The following MRPS27 variants were observed in gnomAD, a reference collection of about 807,000 sequenced individuals.
MRPS27 encodes the protein small ribosomal subunit protein mS27.
MRPS27 carries 43 observed loss-of-function variants against 48.9 expected under a neutral mutation model. The ratio of observed to expected loss-of-function variants is 0.88; its 90% CI spans 0.69 to 1.13. MRPS27 has a LOEUF of 1.13. MRPS27 is among the 50% of genes most tolerant of loss of function. The pLI, the probability that MRPS27 is intolerant of heterozygous loss-of-function variation, is 0.00. For synonymous variants in MRPS27, 188 were observed against 171.9 expected (o/e 1.09, Z -0.73); for missense variants, 467 against 476.3 (o/e 0.98, Z 0.18).
intron 1 of MRPS27, among the ~76,000 whole-genome samples, chr5:72,319,537 C>CTTT (rs35020848): frequency 1.9e-4 from 16 of 84,202 alleles, no homozygotes; most frequent in South Asian, 4.1e-4. Context: ...TAGGTTTTTC[C>CTTT]TTTTTTTTTT....
intron 4 of MRPS27, among the ~76,000 whole-genome samples, chr5:72,277,602 C>CA (rs909079299): frequency 1.7e-4 from 24 of 143,634 alleles, no homozygotes; most frequent in African/African-American, 5.4e-4. Flanking sequence ...GACTCCGTCT[C>CA]AAAAAAAAAG....
intron 4 of MRPS27, among the ~76,000 whole-genome samples, chr5:72,266,112 C>T (rs1388398006): frequency 6.6e-6 from 1 of 151,038 alleles, no homozygotes; most frequent in African/African-American, 2.4e-5. Flanking sequence ...GTGGAGTAGA[C>T]AAAAAAATGA....
intron 10 of MRPS27, among the ~76,000 whole-genome samples, chr5:72,222,969 A>T (rs918277497): frequency 6.6e-6 from 1 of 152,342 alleles, no homozygotes; most frequent in South Asian, 2.1e-4. Flanking sequence ...AACAAGTGGG[A>T]AAGTTTTTTG....
intron 4 of MRPS27, among the ~76,000 whole-genome samples, chr5:72,248,964 C>T (rs1175594234): frequency 1.3e-5 from 2 of 152,190 alleles, no homozygotes; most frequent in Admixed American, 1.3e-4. Flanking sequence ...ATATACTGAA[C>T]AATTACACTG....
chr5:72,272,119 G>A lies in MRPS27; in HGVS notation c.281+23412C>T, dbSNP rs185347211. Among the ~76,000 whole-genome samples, 3 of 152,332 alleles carry A rather than the reference G, an allele frequency of 2.0e-5. 1 individual carries two copies. In the East Asian group the frequency reaches 5.8e-4, roughly 29 times the overall value. On this transcript the variant is annotated intron_variant, in intron 4 of 10. Transcript: ENST00000261413. ...TGCCACATTTTAAAGATCAAGAAGT[G>A]AGGGTATAGATCAAGGGTTGGCAAA...
chr5:72,293,468 T>C (rs550582647), intron 4 of MRPS27, among the ~76,000 whole-genome samples: 1 of 152,320 alleles, frequency 6.6e-6, no homozygotes, highest in Admixed American at 6.5e-5. Flanking sequence ...GTCTTTTATT[T>C]GATCTATATG....
intron 4 of MRPS27, among the ~76,000 whole-genome samples, chr5:72,249,140 G>A (rs921953200): frequency 2.6e-5 from 4 of 152,294 alleles, no homozygotes; most frequent in Middle Eastern, 3.4e-3. Context: ...AAGTAAGAAA[G>A]CTGGGATTTT....
chr5:72,240,247 G>C (rs1748312444), intron 4 of MRPS27, among the ~76,000 whole-genome samples: 1 of 151,998 alleles, frequency 6.6e-6, no homozygotes, highest in African/African-American at 2.4e-5. Context: ...TCCTTTTCAG[G>C]GCATTTAGAG....
intron 3 of MRPS27, 92 bp downstream of exon 3, chr5:72,297,540 C>T (rs1750011774): frequency 4.1e-6 from 3 of 731,194 alleles, no homozygotes; most frequent in Non-Finnish European, 6.6e-6. Context: ...CCTATGCAAA[C>T]TATTTTTTAT....
intron 4 of MRPS27, among the ~76,000 whole-genome samples, chr5:72,276,093 C>CA (rs552630391): frequency 2.1e-4 from 32 of 152,014 alleles, no homozygotes; most frequent in African/African-American, 7.0e-4. Context: ...GAAACCTTAT[C>CA]ATATCCCACA....
chr5:72,268,705 A>G (rs1471667242), intron 4 of MRPS27, among the ~76,000 whole-genome samples: 1 of 152,202 alleles, frequency 6.6e-6, no homozygotes, highest in Non-Finnish European at 1.5e-5. Flanking sequence ...TCTACAAAAG[A>G]GGAGCAAACA....
At chr5:72,263,597 T>C (rs1270266597) in intron 4 of MRPS27, among the ~76,000 whole-genome samples, 2 of 150,882 alleles carry the variant, frequency 1.3e-5, no homozygotes, top group Admixed American at 1.3e-4. Flanking sequence ...CAAAGTACTT[T>C]AAGAGATATT....
intron 1 of MRPS27, among the ~76,000 whole-genome samples, chr5:72,316,557 C>T (rs1290365932): frequency 8.6e-5 from 13 of 151,838 alleles, no homozygotes; most frequent in Non-Finnish European, 1.2e-4. Flanking sequence ...TTAGTAGAGA[C>T]GGGGTTTCAC....
intron 4 of MRPS27, among the ~76,000 whole-genome samples, chr5:72,253,259 T>G (rs1464963192): frequency 1.3e-5 from 2 of 152,220 alleles, no homozygotes; most frequent in African/African-American, 4.8e-5. Flanking sequence ...TGTCAATTTT[T>G]GCCTCTTCTA....
intron 4 of MRPS27, among the ~76,000 whole-genome samples, chr5:72,240,655 C>T (rs1748325621): frequency 1.3e-5 from 2 of 152,136 alleles, no homozygotes; most frequent in Non-Finnish European, 2.9e-5. Flanking sequence ...CACTTTTAGG[C>T]TTTGAAAAAA....
intron 4 of MRPS27, among the ~76,000 whole-genome samples, chr5:72,272,636 C>A (rs1484906226): frequency 6.6e-6 from 1 of 152,208 alleles, no homozygotes; most frequent in Non-Finnish European, 1.5e-5. Context: ...CCTAACCTTT[C>A]CCCTTTGCTG....
In MRPS27 at chr5:72,248,233, A is replaced by C. The variant is rs1037663955; in HGVS notation, c.282-10105T>G. ...AAAATATGCTAAGAAAATTCTTAAC[A>C]ATGACCAAATGCAAACTTCATGTCA... On this transcript the variant is annotated intron_variant, in intron 4 of 10. Transcript: ENST00000261413. Among the ~76,000 whole-genome samples, 6 of 152,352 alleles carry C rather than the reference A, an allele frequency of 3.9e-5. 1 individual carries two copies. In the South Asian group the frequency reaches 1.2e-3, roughly 32 times the overall value.
intron 4 of MRPS27, among the ~76,000 whole-genome samples, chr5:72,243,814 C>A (rs529821333): frequency 1.2e-4 from 19 of 152,268 alleles, no homozygotes; most frequent in Non-Finnish European, 2.5e-4. Flanking sequence ...TACAGAGATA[C>A]AATGTACAAA....
chr5:72,243,474 G>C (rs1194842209), intron 4 of MRPS27, among the ~76,000 whole-genome samples: 1 of 151,862 alleles, frequency 6.6e-6, no homozygotes. Context: ...TTATATTTTT[G>C]TCAAGTACTT....
Sources: allele counts gnomAD v4.1 joint callset (sites outside exome capture counted in the v4.1 genomes callset), GRCh38; gene constraint gnomAD v4.1.1; transcripts MANE v1.5; gene names NCBI Gene and HGNC (gene_info 2026-07-23, HGNC 2026-07-21).